Variants in WBP1L observed in about 807,000 individuals in gnomAD.
The protein encoded by WBP1L is WW domain binding protein 1-like.
WBP1L carries 17 observed loss-of-function variants against 33.7 expected under a neutral mutation model. The ratio of observed to expected loss-of-function variants is 0.50; its 90% CI spans 0.34 to 0.76. WBP1L has a LOEUF of 0.76. Ranked by LOEUF, WBP1L falls within the 30% of genes least tolerant of loss-of-function variation. The probability of loss-of-function intolerance (pLI) is 0.01; values close to 1 mark genes in which losing one functional copy is unlikely to be tolerated. For missense variants in WBP1L, 389 were observed against 469.4 expected, an observed-to-expected ratio of 0.83 and a Z score of 1.58; for synonymous variants, 173 against 190.8, an observed-to-expected ratio of 0.91 and a Z score of 0.77.
At chr10:102,780,506 G>A (rs932177099) in intron 1 of WBP1L, among the ~76,000 whole-genome samples, 1 of 152,178 alleles carries the variant, frequency 6.6e-6, no homozygotes, top group Admixed American at 6.5e-5. Flanking sequence ...AGAAGATATT[G>A]ATTGGGTAAT....
intron 1 of WBP1L, among the ~76,000 whole-genome samples, chr10:102,766,312 A>C (rs553866769): frequency 6.6e-6 from 1 of 151,632 alleles, no homozygotes; most frequent in Non-Finnish European, 1.5e-5. Flanking sequence ...CATGGTGCGC[A>C]TGCCTGTAAT....
chr10:102,775,103 G>A (rs1843240540), intron 1 of WBP1L, among the ~76,000 whole-genome samples: 1 of 122,934 alleles, frequency 8.1e-6, no homozygotes, highest in South Asian at 2.9e-4. Flanking sequence ...GGGTAACAGA[G>A]TGAGACCCTA....
intron 2 of WBP1L, among the ~76,000 whole-genome samples, chr10:102,799,976 T>A (rs921654225): frequency 1.3e-5 from 2 of 152,234 alleles, no homozygotes; most frequent in South Asian, 4.1e-4. Context: ...TTCTGAGGAA[T>A]TCCAGGAGCA....
intron 1 of WBP1L, among the ~76,000 whole-genome samples, chr10:102,755,392 G>T (rs1842963712): frequency 6.6e-6 from 1 of 151,244 alleles, no homozygotes; most frequent in South Asian, 2.1e-4. Context: ...GAGTAGCTAG[G>T]ACTATTACTT....
chr10:102,806,046 CAA>C (rs35914806), intron 2 of WBP1L, among the ~76,000 whole-genome samples: 3 of 136,786 alleles, frequency 2.2e-5, no homozygotes, highest in Non-Finnish European at 4.7e-5. Flanking sequence ...ACTAAAAATA[CAA>C]AAAAAAAAAA....
rs764642327 is a variant in WBP1L at position 102,811,806 on chromosome 10, C to T, written c.356-789C>T. On this transcript the variant is annotated intron_variant, in intron 3 of 3. Transcript: ENST00000448841. ...GATTACAGGCGTAAGCCACTGTGAC[C>T]CACCATTATTTCAGTTCCACATCTA... Among the ~76,000 whole-genome samples, 7 of 152,314 alleles carry T rather than the reference C, an allele frequency of 4.6e-5. No individual in the cohort carries two copies. In the East Asian group the frequency reaches 1.4e-3, roughly 29 times the overall value.
chr10:102,786,188 A>G (rs1455742613), intron 1 of WBP1L, among the ~76,000 whole-genome samples: 1 of 152,202 alleles, frequency 6.6e-6, no homozygotes, highest in African/African-American at 2.4e-5. Flanking sequence ...CGTAGCTAAC[A>G]TGTCACTTCT....
chr10:102,796,565 A>C (rs1461536863), intron 1 of WBP1L, among the ~76,000 whole-genome samples: 1 of 152,206 alleles, frequency 6.6e-6, no homozygotes, highest in Admixed American at 6.5e-5. Flanking sequence ...TTCCACTGGC[A>C]GCTGTCCGCC....
At chr10:102,758,934 G>A in intron 1 of WBP1L, among the ~76,000 whole-genome samples, 1 of 152,222 alleles carries the variant, frequency 6.6e-6, no homozygotes, top group South Asian at 2.1e-4. Flanking sequence ...AAGACTTTAA[G>A]ACTTTCACTA....
chr10:102,790,939 T>G (rs1843488798), intron 1 of WBP1L, among the ~76,000 whole-genome samples: 1 of 152,190 alleles, frequency 6.6e-6, no homozygotes, highest in Non-Finnish European at 1.5e-5. Flanking sequence ...ATTTTTGGCT[T>G]GGGGATCCTC....
intron 2 of WBP1L, among the ~76,000 whole-genome samples, chr10:102,798,814 A>G (rs1320698559): frequency 6.6e-6 from 1 of 152,178 alleles, no homozygotes; most frequent in Non-Finnish European, 1.5e-5. Context: ...TCTTGTAAGG[A>G]CCACAGGGGC....
chr10:102,750,764 G>A (rs895372151), intron 1 of WBP1L, among the ~76,000 whole-genome samples: 2 of 152,008 alleles, frequency 1.3e-5, no homozygotes, highest in African/African-American at 4.8e-5. Flanking sequence ...GCCTCCCAAA[G>A]TTCTAGAATT....
At chr10:102,801,956 C>G (rs1486642845) in intron 2 of WBP1L, among the ~76,000 whole-genome samples, 1 of 83,716 alleles carries the variant, frequency 1.2e-5, no homozygotes, top group Non-Finnish European at 2.4e-5. Flanking sequence ...CCCTCCCACC[C>G]TTCCCTACCC....
At chr10:102,809,286 C>T (rs1455158084) in intron 2 of WBP1L, among the ~76,000 whole-genome samples, 1 of 152,076 alleles carries the variant, frequency 6.6e-6, no homozygotes, top group South Asian at 2.1e-4. Context: ...CCATGTTGGC[C>T]AGGCTGGTCT....
chr10:102,790,741 G>T (rs145518037), intron 1 of WBP1L, among the ~76,000 whole-genome samples: 1,668 of 152,124 alleles, frequency 0.011, 25 homozygotes, highest in African/African-American at 0.038. Flanking sequence ...TCGAATTCCT[G>T]ACCTCGTCAT....
chr10:102,754,636 A>G (rs1226897124), intron 1 of WBP1L, among the ~76,000 whole-genome samples: 1 of 151,620 alleles, frequency 6.6e-6, no homozygotes, highest in Non-Finnish European at 1.5e-5. Context: ...GACGTAATCC[A>G]CCTGCCTCGA....
At chr10:102,776,608 C>G (rs2254563) in intron 1 of WBP1L, among the ~76,000 whole-genome samples, 78,817 of 151,964 alleles carry the variant, frequency 0.52, 21,862 homozygotes, top group Non-Finnish European at 0.62. Flanking sequence ...CCACCGTGTT[C>G]TTAACCCTCT....
chr10:102,789,845 C>T (rs528305946), intron 1 of WBP1L, among the ~76,000 whole-genome samples: 9 of 150,900 alleles, frequency 6.0e-5, no homozygotes, highest in Middle Eastern at 3.2e-3. Flanking sequence ...CAGGTTCAAG[C>T]GATTTTCCTG....
rs971795494 is a variant in WBP1L at position 102,815,382 on chromosome 10, C to T, written c.*2051C>T. ...CTGCCTCCCTCGGCTGCTGCTGGTC[C>T]TCAGTACCAGCGCCCGGGGGTGTCC... On this transcript the variant is annotated 3_prime_UTR_variant, in exon 4 of 4. Coordinates refer to ENST00000448841, the MANE Select transcript of WBP1L (RefSeq NM_001083913.2). 6.5e-6 allele frequency: 1 copy of T among 152,690 alleles called. No homozygotes were observed. 9.5% of individuals were successfully genotyped at this position (152,690 alleles called of 1,614,324 possible). A position where few individuals can be genotyped will look rare whatever the true frequency, so the allele number is the denominator to read the frequency against.
Sources: gnomAD v4.1 joint callset for allele counts (sites outside exome capture counted in the v4.1 genomes callset) on GRCh38, gnomAD v4.1.1 for gene constraint, MANE v1.5 for transcripts, NCBI Gene and HGNC (gene_info 2026-07-23, HGNC 2026-07-21) for gene names.